The following SH3TC2 variants were observed in gnomAD, a reference collection of about 807,000 sequenced individuals.
The protein encoded by SH3TC2 is SH3 domain and tetratricopeptide repeat-containing protein 2.
A neutral mutation model predicts 124.5 loss-of-function variants in SH3TC2; 87 were observed. The observed-to-expected ratio is 0.70, with a 90% CI of 0.59 to 0.84. SH3TC2 has a LOEUF of 0.84. Ranked by LOEUF, SH3TC2 falls within the 40% of genes least tolerant of loss-of-function variation. The pLI, the probability that SH3TC2 is intolerant of heterozygous loss-of-function variation, is 0.00. For missense variants in SH3TC2, 1,536 were observed against 1,566.4 expected, an observed-to-expected ratio of 0.98 and a Z score of 0.33; for synonymous variants, 634 against 628.5, an observed-to-expected ratio of 1.01 and a Z score of -0.13.
rs6890482 is a variant in SH3TC2 at position 148,982,925 on chromosome 5, C to G, written c.*21786G>C. ...GTGAAAGATAACTTTAGGAGACTGA[C>G]GCAGCAGAGGCATCATGTCTGCAAG... is the stretch of plus-strand genomic sequence containing the variant. On this transcript the variant is annotated 3_prime_UTR_variant, in exon 17 of 17. Coordinates refer to ENST00000515425, the MANE Select transcript of SH3TC2 (RefSeq NM_024577.4). 1.3e-5 allele frequency among the ~76,000 whole-genome samples: 2 copies of G among 152,318 alleles called. No homozygotes were observed. Among genetic ancestry groups the G allele is most frequent in the African/African-American group, 4.8e-5 (2 of 41,572 alleles).
rs80338934 is a variant in SH3TC2 at position 149,010,272 on chromosome 5, G to A, written c.3325C>T (p.Arg1109Ter). 50 of 1,614,178 alleles carry A rather than the reference G, an allele frequency of 3.1e-5. No individual in the cohort carries two copies. Among genetic ancestry groups the A allele is most frequent in the South Asian group, 2.2e-4 (20 of 91,072 alleles). ...CAAACTGCACAGCTTGGACTTACTC[G>A]GTAGTACTCCACTGCATGATGCCTG... is the stretch of plus-strand genomic sequence containing the variant. ...RHRHHAVEYYRAGAVPLARRL... is the reference protein window; with the variant it reads ...RHRHHAVEYY The change falls in exon 14 of 17, where the codon CGA becomes TGA. Residue 1109 changes from arginine to a stop codon, truncating the protein, a stop_gained and splice_region_variant. Coordinates refer to ENST00000515425, the MANE Select transcript of SH3TC2 (RefSeq NM_024577.4). LOFTEE classifies it high-confidence loss of function.
At position 149,002,668 on chromosome 5, in the gene SH3TC2, C is replaced by T. The variant is rs1753616822; in HGVS notation, c.*2043G>A. 6.6e-6 allele frequency: 1 copy of T among 152,196 alleles called. No homozygotes were observed. Among genetic ancestry groups the T allele is most frequent in the African/African-American group, 2.4e-5 (1 of 41,444 alleles). The allele number at this position is 152,196 out of a possible 1,614,324, so 9.4% of individuals were successfully genotyped here. ...AGGGCAGATGGTCTGATAATAAAAGCTAAGCTGATGGGCATCAGATGCAGG... is the reference window on the plus strand; with the variant it reads ...AGGGCAGATGGTCTGATAATAAAAGTTAAGCTGATGGGCATCAGATGCAGG... On this transcript the variant is annotated 3_prime_UTR_variant, in exon 17 of 17. Transcript: ENST00000515425.
chr5:149,054,291 G>T (rs536881996), intron 1 of SH3TC2, among the ~76,000 whole-genome samples: 13 of 152,174 alleles, frequency 8.5e-5, no homozygotes, highest in Admixed American at 4.6e-4. Flanking sequence ...TTAATAATAA[G>T]TTCTTCAAAT....
intron 8 of SH3TC2, among the ~76,000 whole-genome samples, chr5:149,037,542 G>A (rs1357282490): frequency 6.6e-6 from 1 of 152,192 alleles, no homozygotes; most frequent in Non-Finnish European, 1.5e-5. Flanking sequence ...AGACATTTCT[G>A]GGGCCACATT....
In SH3TC2 at chr5:149,028,729, A is replaced by G. The variant is rs762686403; in HGVS notation, c.1136-11T>C. 6.2e-7 allele frequency: 1 copy of G among 1,614,154 alleles called. No individual in the cohort carries two copies. The highest frequency in any genetic ancestry group is 8.5e-7 in the Non-Finnish European group (1 of 1,180,028). ...TGGATTCAAACCCACCTAAGTAGAG[A>G]TGAAGAACAGGTCTGGTGTTAGGTC... On this transcript the variant is annotated splice_polypyrimidine_tract_variant and intron_variant, in intron 9 of 16. Coordinates refer to ENST00000515425, the MANE Select transcript of SH3TC2 (RefSeq NM_024577.4).
chr5:149,004,985 T>C, intron 16 of SH3TC2, 83 bp from the exon 17 acceptor site: 1 of 1,513,460 alleles, frequency 6.6e-7, no homozygotes, highest in Non-Finnish European at 9.1e-7. Context: ...CTGGCCACTC[T>C]AGTTTTTTTT....
intron 7 of SH3TC2, among the ~76,000 whole-genome samples, chr5:149,039,173 T>C (rs576315313): frequency 1.2e-3 from 186 of 152,342 alleles, no homozygotes; most frequent in African/African-American, 4.1e-3. Flanking sequence ...ATCTGATAAA[T>C]TGCCTACCTA....
At chr5:149,008,669 G>T in intron 15 of SH3TC2, 182 bp downstream of exon 15, 1 of 758,596 alleles carries the variant, frequency 1.3e-6, no homozygotes, top group Non-Finnish European at 2.2e-6. Flanking sequence ...CTGATTTGGT[G>T]ATGACAAGCT....
chr5:149,043,901 A>G (rs1246562805), intron 4 of SH3TC2: 1 of 152,994 alleles, frequency 6.5e-6, no homozygotes, highest in Non-Finnish European at 1.5e-5. Flanking sequence ...TAAAACATCC[A>G]TCAAATTAGG....
At chr5:149,059,990 C>T (rs1319562961) in intron 1 of SH3TC2, among the ~76,000 whole-genome samples, 1 of 152,166 alleles carries the variant, frequency 6.6e-6, no homozygotes, top group South Asian at 2.1e-4. Context: ...AAATGCTTTA[C>T]AAGTCATTTA....
rs1015818840 is a variant in SH3TC2 at position 148,983,945 on chromosome 5, C to T, written c.*20766G>A. On this transcript the variant is annotated 3_prime_UTR_variant, in exon 17 of 17. Transcript: ENST00000515425. ...GGTACTATCAACCTGCTCCTGGAAC[C>T]AGTGTGGTTTTTAAGTCACTTGAAC... Among the ~76,000 whole-genome samples, 5 of 152,188 alleles carry T rather than the reference C, an allele frequency of 3.3e-5. No individual in the cohort carries two copies. Among genetic ancestry groups the T allele is most frequent in the African/African-American group, 1.2e-4 (5 of 41,452 alleles).
chr5:149,007,547 GTC>G (rs959790811), intron 15 of SH3TC2: 1 of 253,328 alleles, frequency 3.9e-6, no homozygotes. Flanking sequence ...TCACACAAAA[GTC>G]TCTCTCTTCA....
intron 15 of SH3TC2, 22 bp downstream of exon 15, chr5:149,008,829 C>T: frequency 6.2e-7 from 1 of 1,613,662 alleles, no homozygotes; most frequent in Non-Finnish European, 8.5e-7. Flanking sequence ...ATTCAACACA[C>T]CCAATAGTGA....
intron 12 of SH3TC2, among the ~76,000 whole-genome samples, chr5:149,016,783 G>T (rs1214036556): frequency 2.6e-5 from 4 of 151,986 alleles, no homozygotes; most frequent in Non-Finnish European, 5.9e-5. Flanking sequence ...AAATTAGCCG[G>T]GCGTGGTGGC....
rs922595949 is a variant in SH3TC2, at chr5:148,986,015, C to T, written c.*18696G>A. 6.6e-6 allele frequency among the ~76,000 whole-genome samples: 1 copy of T among 152,088 alleles called. No homozygotes were observed. The highest frequency in any genetic ancestry group is 6.6e-5 in the Admixed American group (1 of 15,262). On this transcript the variant is annotated 3_prime_UTR_variant, in exon 17 of 17. Transcript: ENST00000515425. ...TCTCTAGGGTGATTTTTGAAAAACACATAAATGCAGAATCTTGGTGTTTAA... is the reference window on the plus strand; with the variant it reads ...TCTCTAGGGTGATTTTTGAAAAACATATAAATGCAGAATCTTGGTGTTTAA...
intron 14 of SH3TC2, among the ~76,000 whole-genome samples, 153 bp from the exon 15 acceptor site, chr5:149,009,154 A>C: frequency 6.6e-6 from 1 of 152,144 alleles, no homozygotes. Context: ...GCCTTTACTC[A>C]ACCCTCTCTC....
Position 149,008,844 on chromosome 5 carries a change from C to T in SH3TC2, c.3478+7G>A. On this transcript the variant is annotated splice_region_variant and intron_variant, in intron 15 of 16. Coordinates refer to ENST00000515425, the MANE Select transcript of SH3TC2 (RefSeq NM_024577.4). ...ATTCAACACACCCAATAGTGAAGAC[C>T]ACCCACCTGTGACTGTGCTGAGCCT... 5.0e-6 allele frequency: 8 copies of T among 1,613,944 alleles called. No homozygotes were observed. The highest frequency in any genetic ancestry group is 6.8e-6 in the Non-Finnish European group (8 of 1,180,034).
Position 149,026,743 on chromosome 5 carries a change from T to G in SH3TC2, c.2882A>C (p.Gln961Pro). The G allele has an allele frequency of 6.2e-7, 1 of 1,614,188 alleles. No homozygotes were observed. The highest frequency in any genetic ancestry group is 8.5e-7 in the Non-Finnish European group (1 of 1,180,034). Reference sequence around the variant, plus strand: ...GAAATGGCAGAGGGATTTGGTGGCCTGAAGCTGACCTGAACACAAAGCAGG... The same window carrying G: ...GAAATGGCAGAGGGATTTGGTGGCCGGAAGCTGACCTGAACACAAAGCAGG... The part of the protein sequence containing the change: ...LRHRHLKSQL[Q>P]ATKSLCHFYS... Residue 961 changes from glutamine (Q) to proline (P), a missense_variant, in exon 12 of 17, where the codon CAG becomes CCG. Coordinates refer to ENST00000515425, the MANE Select transcript of SH3TC2 (RefSeq NM_024577.4).
At position 148,987,302 on chromosome 5, in the gene SH3TC2, G is replaced by C. The variant is rs1248208893; in HGVS notation, c.*17409C>G. On this transcript the variant is annotated 3_prime_UTR_variant, in exon 17 of 17. Coordinates refer to ENST00000515425, the MANE Select transcript of SH3TC2 (RefSeq NM_024577.4). Reference sequence around the variant, plus strand: ...TGTTCAGGAATATTCTCATTGGATTGCAAGTGCCAAGAGGACAAGAACTTT... The same window carrying C: ...TGTTCAGGAATATTCTCATTGGATTCCAAGTGCCAAGAGGACAAGAACTTT... Among the ~76,000 whole-genome samples the C allele has an allele frequency of 6.6e-6, 1 of 152,212 alleles. No individual in the cohort carries two copies. The highest frequency in any genetic ancestry group is 1.5e-5 in the Non-Finnish European group (1 of 68,032).
Sources: allele counts gnomAD v4.1 joint callset (sites outside exome capture counted in the v4.1 genomes callset), GRCh38; gene constraint gnomAD v4.1.1; transcripts MANE v1.5; gene names NCBI Gene and HGNC (gene_info 2026-07-23, HGNC 2026-07-21).